The following RHOBTB2 variants were observed in gnomAD, a reference collection of about 807,000 sequenced individuals.
RHOBTB2 encodes the protein Rho related BTB domain containing 2, also known as rho-related BTB domain-containing protein 2.
In RHOBTB2, 39 loss-of-function variants were observed where a neutral mutation model predicts 66.5. The observed-to-expected ratio is 0.59, with a 90% confidence interval of 0.45 to 0.77. The LOEUF is 0.77. Among genes scored for constraint, RHOBTB2 ranks in the 30% least tolerant of loss-of-function variants. The probability of loss-of-function intolerance (pLI) is 0.00; values close to 1 mark genes in which losing one functional copy is unlikely to be tolerated. For missense variants in RHOBTB2, 755 were observed against 999.1 expected (o/e 0.76, Z 3.29); for synonymous variants, 390 against 395.0 (o/e 0.99, Z 0.15).
the RHOBTB2 span, among the ~76,000 whole-genome samples, chr8:22,967,046 C>T: frequency 6.6e-6 from 1 of 152,184 alleles, no homozygotes; most frequent in African/African-American, 2.4e-5. Context: ...AGCAATTCCT[C>T]TTCTGGGTAT....
rs539621782 is a variant in RHOBTB2, at chr8:23,008,050, C to T, written c.1559C>T (p.Ser520Phe). 1 of 1,613,832 alleles carries T rather than the reference C, an allele frequency of 6.2e-7. No individual in the cohort carries two copies. Among genetic ancestry groups the T allele is most frequent in the African/African-American group, 1.3e-5 (1 of 75,038 alleles). Residue 520 changes from serine to phenylalanine, a missense_variant, in exon 6 of 10, where the codon TCC becomes TTC. By Grantham distance (155) the Ser-to-Phe change is radical. Transcript: ENST00000251822. ...TISAHKPLLI[S>F]SCDWMAAMFG... ...AGCGCCCACAAGCCCCTGTTGATTT[C>T]CAGCTGTGACTGGATGGCTGCCATG...
chr8:22,987,933 G>C (rs10090428), intron 1 of RHOBTB2, among the ~76,000 whole-genome samples: 23,733 of 151,952 alleles, frequency 0.16, 1,950 homozygotes, highest in Middle Eastern at 0.21. Context: ...TTGTGACCCT[G>C]GCCAGGACGG....
At chr8:22,965,006 G>A in the RHOBTB2 span, among the ~76,000 whole-genome samples, 1 of 151,794 alleles carries the variant, frequency 6.6e-6, no homozygotes. Flanking sequence ...TAGTAGAGAT[G>A]GGGTTTCACC....
At chr8:22,971,042 A>G in the RHOBTB2 span, among the ~76,000 whole-genome samples, 1 of 152,046 alleles carries the variant, frequency 6.6e-6, no homozygotes, top group South Asian at 2.1e-4. Context: ...GACAAAAACC[A>G]CCTGAAATCC....
At chr8:22,986,067 C>T (rs2128794394), upstream of RHOBTB2, among the ~76,000 whole-genome samples, 1 of 152,036 alleles carries the variant, frequency 6.6e-6, no homozygotes, top group Non-Finnish European at 1.5e-5. Context: ...GAGTGGAGAA[C>T]CAGGGGGCCT....
rs1406119663 is a variant in RHOBTB2, at chr8:23,004,225, C to T, written c.-10-200C>T. On this transcript the variant is annotated intron_variant, in intron 1 of 9. Coordinates refer to ENST00000251822, the MANE Select transcript of RHOBTB2 (RefSeq NM_015178.3). The surrounding 1 kb of genome is among the most constrained non-coding windows in gnomAD (Gnocchi z 6.4). ...AGGTGGCCCATCTGGTGACACTGCT[C>T]CTCTCAGCCTGAATGGGCTCCTGGC... The T allele has an allele frequency of 2.8e-5, 17 of 598,620 alleles. No individual in the cohort carries two copies. The highest frequency in any genetic ancestry group is 9.3e-5 in the African/African-American group (5 of 54,046). 37.1% of individuals were successfully genotyped at this position (598,620 alleles called of 1,614,324 possible). A position where few individuals can be genotyped will look rare whatever the true frequency, so the allele number is the denominator to read the frequency against.
intron 9 of RHOBTB2, among the ~76,000 whole-genome samples, chr8:23,016,563 C>G (rs1811297240): frequency 6.6e-6 from 1 of 152,042 alleles, no homozygotes; most frequent in Non-Finnish European, 1.5e-5. Flanking sequence ...AGGTACCCAC[C>G]ACCATGCCTG....
upstream of RHOBTB2, among the ~76,000 whole-genome samples, chr8:22,987,151 G>T (rs1810302814): frequency 6.6e-6 from 1 of 152,256 alleles, no homozygotes; most frequent in Non-Finnish European, 1.5e-5. Context: ...AGTCACCAGG[G>T]GCTGAGAAGA....
At chr8:22,970,898 G>T in the RHOBTB2 span, among the ~76,000 whole-genome samples, 4 of 152,150 alleles carry the variant, frequency 2.6e-5, no homozygotes, top group Admixed American at 2.6e-4. Flanking sequence ...ATGTTGCACG[G>T]TTTGATTTGT....
rs1811393330 is a variant in RHOBTB2 at position 23,018,986 on chromosome 8, A to C, written c.*1517A>C. On this transcript the variant is annotated 3_prime_UTR_variant, in exon 10 of 10. Transcript: ENST00000251822. Reference sequence around the variant, plus strand: ...CCCCATGGGGCAGCAGCTGGGCCACAATTGCCCCTTTCCGTTTTCTAACCC... The same window carrying C: ...CCCCATGGGGCAGCAGCTGGGCCACCATTGCCCCTTTCCGTTTTCTAACCC... 1 of 152,416 alleles carries C rather than the reference A, an allele frequency of 6.6e-6. No homozygotes were observed. The highest frequency in any genetic ancestry group is 2.1e-4 in the South Asian group (1 of 4,846). 9.4% of individuals were successfully genotyped at this position (152,416 alleles called of 1,614,324 possible). A position where few individuals can be genotyped will look rare whatever the true frequency, so the allele number is the denominator to read the frequency against.
intron 2 of RHOBTB2, among the ~76,000 whole-genome samples, chr8:22,993,223 G>A (rs546693984): frequency 1.9e-4 from 29 of 152,172 alleles, no homozygotes; most frequent in Non-Finnish European, 4.0e-4. Flanking sequence ...ACGGTGGTAC[G>A]ATCATAGTGC....
intron 1 of RHOBTB2, among the ~76,000 whole-genome samples, chr8:22,990,324 G>T (rs960008525): frequency 2.0e-5 from 3 of 152,172 alleles, no homozygotes; most frequent in Non-Finnish European, 4.4e-5. Flanking sequence ...AAGGGCTGCT[G>T]GTGCACCCGT....
At chr8:22,974,425 C>T in the RHOBTB2 span, among the ~76,000 whole-genome samples, 1 of 152,232 alleles carries the variant, frequency 6.6e-6, no homozygotes. Context: ...GGCCTGCCGG[C>T]TCTTTGTGCC....
rs1167687497 is a variant in RHOBTB2, at chr8:23,004,665, T to A, written c.192+39T>A. 1.9e-6 allele frequency: 3 copies of A among 1,569,722 alleles called. No individual in the cohort carries two copies. The highest frequency in any genetic ancestry group is 2.6e-6 in the Non-Finnish European group (3 of 1,154,392). On this transcript the variant is annotated intron_variant, in intron 2 of 9. Coordinates refer to ENST00000251822, the MANE Select transcript of RHOBTB2 (RefSeq NM_015178.3). The surrounding 1 kb of genome is among the most constrained non-coding windows in gnomAD (Gnocchi z 6.4). ...ACTACCTGGCTGGGGGTCCACGCCA[T>A]GAGTCTGGGCTTGGGGGCTTCCTGA...
chr8:22,986,072 G>A (rs932087866), upstream of RHOBTB2, among the ~76,000 whole-genome samples: 1 of 152,100 alleles, frequency 6.6e-6, no homozygotes, highest in African/African-American at 2.4e-5. Context: ...GAGAACCAGG[G>A]GGCCTCTGCC....
At chr8:23,009,529 C>T (rs530984327) in intron 6 of RHOBTB2, among the ~76,000 whole-genome samples, 6 of 152,304 alleles carry the variant, frequency 3.9e-5, no homozygotes, top group Admixed American at 6.5e-5. Flanking sequence ...CACACCGTTT[C>T]CCCTACTGTT....
chr8:22,960,313 TCC>T, the RHOBTB2 span, among the ~76,000 whole-genome samples: 1 of 137,390 alleles, frequency 7.3e-6, no homozygotes, highest in African/African-American at 2.8e-5. Context: ...TCCCCTCCCC[TCC>T]CCTCCCCTCT....
chr8:22,982,579 A>G (rs2011773), upstream of RHOBTB2, among the ~76,000 whole-genome samples: 89,759 of 152,004 alleles, frequency 0.59, 26,920 homozygotes, highest in East Asian at 0.74. Flanking sequence ...CTGAGATGAC[A>G]CCATTGGCAA....
the RHOBTB2 span, among the ~76,000 whole-genome samples, chr8:22,980,401 G>A: frequency 6.6e-6 from 1 of 152,072 alleles, no homozygotes; most frequent in Non-Finnish European, 1.5e-5. Context: ...TTAAATGGTT[G>A]CTTCTATATT....
Sources: allele counts gnomAD v4.1 joint callset (sites outside exome capture counted in the v4.1 genomes callset), GRCh38; gene constraint gnomAD v4.1.1; non-coding constraint Gnocchi (gnomAD v3.1); transcripts MANE v1.5; gene names NCBI Gene and HGNC (gene_info 2026-07-23, HGNC 2026-07-21).